Variants in CLDN16 observed in about 807,000 individuals in gnomAD.
CLDN16 encodes claudin-16.
CLDN16 carries 13 observed loss-of-function variants against 24.6 expected under a neutral mutation model. That is an observed-to-expected ratio of 0.53 (90% CI 0.34 to 0.84). The LOEUF is 0.84. CLDN16 is among the 40% of genes least tolerant of loss of function. The pLI is 0.01. For missense variants in CLDN16, 298 were observed against 292.7 expected, an observed-to-expected ratio of 1.02 and a Z score of -0.13; for synonymous variants, 116 against 106.7, an observed-to-expected ratio of 1.09 and a Z score of -0.54.
At chr3:190,340,117 T>C (rs1271695088) in intron 1 of CLDN16, among the ~76,000 whole-genome samples, 1 of 152,188 alleles carries the variant, frequency 6.6e-6, no homozygotes, top group Non-Finnish European at 1.5e-5. Context: ...TTAACATCCT[T>C]TCTTGATAAA....
chr3:190,343,559 A>G (rs1717484450), intron 1 of CLDN16, among the ~76,000 whole-genome samples: 1 of 152,168 alleles, frequency 6.6e-6, no homozygotes, highest in Non-Finnish European at 1.5e-5. Flanking sequence ...ACCTAGGTGT[A>G]CATCAGTGGA....
At chr3:190,321,054 G>T (rs1716904098), upstream of CLDN16, among the ~76,000 whole-genome samples, 1 of 151,938 alleles carries the variant, frequency 6.6e-6, no homozygotes, top group Non-Finnish European at 1.5e-5. Flanking sequence ...TTTTACAGGG[G>T]GTCACTGAAC....
the CLDN16 span, among the ~76,000 whole-genome samples, chr3:190,304,735 T>G: frequency 6.6e-6 from 1 of 152,068 alleles, no homozygotes; most frequent in African/African-American, 2.4e-5. Context: ...ACATTACACG[T>G]GAGCCACATG....
chr3:190,383,549 G>A (rs547103845), upstream of CLDN16, among the ~76,000 whole-genome samples: 17 of 152,112 alleles, frequency 1.1e-4, no homozygotes, highest in South Asian at 1.9e-3. Context: ...GGAAGGAAGC[G>A]GTATCTTTGT....
chr3:190,391,809 G>C (rs376130505), intron 1 of CLDN16, among the ~76,000 whole-genome samples: 1 of 152,114 alleles, frequency 6.6e-6, no homozygotes, highest in Non-Finnish European at 1.5e-5. Flanking sequence ...ACAGAATTAC[G>C]ATGTGCACAA....
At position 190,410,100 on chromosome 3, in the gene CLDN16, T is replaced by C; in HGVS notation, c.*64T>C. 2 of 1,547,840 alleles carry C rather than the reference T, an allele frequency of 1.3e-6. No individual in the cohort carries two copies. The highest frequency in any genetic ancestry group is 2.2e-5 in the East Asian group (1 of 44,540). On this transcript the variant is annotated 3_prime_UTR_variant, in exon 5 of 5. Coordinates refer to ENST00000264734, the MANE Select transcript of CLDN16 (RefSeq NM_006580.4). Reference sequence around the variant, plus strand: ...AATCAGTATGGTTACATTGATAAAATAGTAAGTCAATCCAGGAACAGTTAT... The same window carrying C: ...AATCAGTATGGTTACATTGATAAAACAGTAAGTCAATCCAGGAACAGTTAT...
the CLDN16 span, among the ~76,000 whole-genome samples, chr3:190,315,001 T>C: frequency 2.6e-5 from 4 of 152,252 alleles, no homozygotes; most frequent in South Asian, 8.3e-4. Flanking sequence ...ACTTTTTCCT[T>C]GGAATCACAA....
the CLDN16 span, chr3:190,310,278 T>C: frequency 1.3e-6 from 2 of 1,573,364 alleles, no homozygotes; most frequent in African/African-American, 2.7e-5. Flanking sequence ...AACAAAAGAC[T>C]GTTAATCACC....
At chr3:190,363,562 A>G (rs1441014786) in intron 1 of CLDN16, among the ~76,000 whole-genome samples, 95 of 87,456 alleles carry the variant, frequency 1.1e-3, no homozygotes, top group African/African-American at 4.4e-3. Flanking sequence ...GTGTGTATAT[A>G]TATATATATA....
At chr3:190,401,396 A>G (rs758553562) in intron 1 of CLDN16, among the ~76,000 whole-genome samples, 10 of 152,176 alleles carry the variant, frequency 6.6e-5, no homozygotes, top group South Asian at 2.1e-4. Flanking sequence ...AAGATAATTC[A>G]TAGTTAAACT....
At chr3:190,339,163 C>T (rs1436377001) in intron 1 of CLDN16, among the ~76,000 whole-genome samples, 4 of 152,180 alleles carry the variant, frequency 2.6e-5, no homozygotes, top group African/African-American at 4.8e-5. Context: ...CCTAACTCTA[C>T]CCATCCTTCA....
chr3:190,375,843 C>T (rs1718236115), intron 3 of CLDN16, among the ~76,000 whole-genome samples: 1 of 150,638 alleles, frequency 6.6e-6, no homozygotes, highest in Non-Finnish European at 1.5e-5. Context: ...TTCATCTCTT[C>T]ACCCTTGCCT....
chr3:190,367,231 CATA>C (rs1560088864), intron 1 of CLDN16, among the ~76,000 whole-genome samples: 16 of 151,706 alleles, frequency 1.1e-4, no homozygotes, highest in African/African-American at 3.6e-4. Context: ...TGTATTTGAC[CATA>C]GATATTAAAG....
chr3:190,407,842 C>T (rs1176714037), intron 3 of CLDN16, among the ~76,000 whole-genome samples: 1 of 152,174 alleles, frequency 6.6e-6, no homozygotes, highest in African/African-American at 2.4e-5. Context: ...GCTGGCATAG[C>T]TTCAAAAGGG....
chr3:190,298,037 C>A, the CLDN16 span, among the ~76,000 whole-genome samples: 1 of 151,884 alleles, frequency 6.6e-6, no homozygotes, highest in Non-Finnish European at 1.5e-5. Context: ...CCATTCTATC[C>A]AATGAGACAT....
chr3:190,296,173 C>T, the CLDN16 span, among the ~76,000 whole-genome samples: 11,592 of 152,144 alleles, frequency 0.076, 488 homozygotes, highest in Non-Finnish European at 0.095. Context: ...GATACAATGA[C>T]GAGCATAATA....
intron 3 of CLDN16, among the ~76,000 whole-genome samples, chr3:190,380,910 C>T (rs1182646802): frequency 6.6e-6 from 1 of 152,106 alleles, no homozygotes; most frequent in African/African-American, 2.4e-5. Flanking sequence ...ATAAAATTAA[C>T]TGATGCAAGG....
upstream of CLDN16, among the ~76,000 whole-genome samples, chr3:190,318,418 T>C (rs1716826416): frequency 6.6e-6 from 1 of 152,170 alleles, no homozygotes; most frequent in Non-Finnish European, 1.5e-5. Flanking sequence ...CTGGAAGGAA[T>C]CTTAGAACTC....
the CLDN16 span, among the ~76,000 whole-genome samples, chr3:190,316,235 T>C: frequency 6.6e-6 from 1 of 152,236 alleles, no homozygotes; most frequent in Non-Finnish European, 1.5e-5. Context: ...CTTTGTTTTT[T>C]AAAATGTCGT....
Sources: allele counts gnomAD v4.1 joint callset (sites outside exome capture counted in the v4.1 genomes callset), GRCh38; gene constraint gnomAD v4.1.1; transcripts MANE v1.5; gene names NCBI Gene and HGNC (gene_info 2026-07-23, HGNC 2026-07-21).